Variants in OPCML observed in about 807,000 individuals in gnomAD.
The protein encoded by OPCML is opioid binding protein/cell adhesion molecule like.
Under a neutral mutation model 37.8 loss-of-function variants are expected in OPCML, and 13 were observed. The observed-to-expected ratio is 0.34, with a 90% CI of 0.22 to 0.55. OPCML has a LOEUF of 0.55. OPCML is among the 20% of genes least tolerant of loss of function. The pLI, the probability that OPCML is intolerant of heterozygous loss-of-function variation, is 0.91. For missense variants in OPCML, 341 were observed against 435.6 expected, an observed-to-expected ratio of 0.78 and a Z score of 1.93; for synonymous variants, 176 against 168.8, an observed-to-expected ratio of 1.04 and a Z score of -0.33.
intron 1 of OPCML, among the ~76,000 whole-genome samples, chr11:133,012,469 AAAG>A (rs1947237403): frequency 6.6e-6 from 1 of 152,192 alleles, no homozygotes; most frequent in South Asian, 2.1e-4. Context: ...CACCTTCCTC[AAAG>A]AAGTTTTATT....
At chr11:132,911,184 A>G (rs1429713170) in intron 2 of OPCML, among the ~76,000 whole-genome samples, 1 of 152,170 alleles carries the variant, frequency 6.6e-6, no homozygotes, top group Non-Finnish European at 1.5e-5. Flanking sequence ...CTTACTCTCA[A>G]CCACCGCCAT....
chr11:132,949,501 G>A (rs1945813983), intron 1 of OPCML, among the ~76,000 whole-genome samples: 2 of 152,176 alleles, frequency 1.3e-5, no homozygotes, highest in Admixed American at 1.3e-4. Context: ...CTTTGGGTAT[G>A]GATGGATACT....
At chr11:133,341,460 C>T (rs1326666833) in intron 1 of OPCML, among the ~76,000 whole-genome samples, 2 of 152,140 alleles carry the variant, frequency 1.3e-5, no homozygotes, top group Admixed American at 6.5e-5. Context: ...TTCAGGTGCC[C>T]TTGGGTGATG....
chr11:132,552,996 C>T (rs1222144023), intron 3 of OPCML, among the ~76,000 whole-genome samples: 1 of 152,086 alleles, frequency 6.6e-6, no homozygotes, highest in Non-Finnish European at 1.5e-5. Flanking sequence ...AATCTCCTGA[C>T]CTCGTGATCC....
chr11:133,079,048 A>G (rs1315505417), intron 1 of OPCML, among the ~76,000 whole-genome samples: 1 of 151,692 alleles, frequency 6.6e-6, no homozygotes, highest in Non-Finnish European at 1.5e-5. Context: ...CCACCCCAAT[A>G]TTCCTTCCTC....
At chr11:133,134,727 T>A (rs1271715657) in intron 1 of OPCML, among the ~76,000 whole-genome samples, 1 of 152,158 alleles carries the variant, frequency 6.6e-6, no homozygotes, top group East Asian at 1.9e-4. Flanking sequence ...TCAAGCGAGA[T>A]GAGCCACCAT....
intron 1 of OPCML, among the ~76,000 whole-genome samples, chr11:133,145,324 A>G (rs1410420481): frequency 1.3e-5 from 2 of 152,196 alleles, no homozygotes; most frequent in Non-Finnish European, 2.9e-5. Context: ...GAAGCTTTGC[A>G]AGTTAGATGC....
chr11:133,417,542 G>C (rs2136884614), intron 1 of OPCML, among the ~76,000 whole-genome samples: 1 of 151,952 alleles, frequency 6.6e-6, no homozygotes, highest in East Asian at 1.9e-4. Flanking sequence ...ATGCAGGTTT[G>C]TTACATATGT....
chr11:132,954,356 A>C (rs76238648), intron 1 of OPCML, among the ~76,000 whole-genome samples: 25,459 of 131,358 alleles, frequency 0.19, 3,011 homozygotes, highest in African/African-American at 0.39. Context: ...TGAGGCCATT[A>C]AAATTAGATC....
chr11:132,555,536 T>G (rs768747595), intron 3 of OPCML, among the ~76,000 whole-genome samples: 5 of 152,218 alleles, frequency 3.3e-5, no homozygotes, highest in African/African-American at 9.6e-5. Flanking sequence ...CAATTCAAGA[T>G]GAGATTTGGG....
intron 1 of OPCML, among the ~76,000 whole-genome samples, chr11:133,219,888 T>G (rs902810527): frequency 1.3e-5 from 2 of 152,170 alleles, no homozygotes; most frequent in African/African-American, 2.4e-5. Context: ...CAAACTGTGA[T>G]TGTAAAGTAT....
At chr11:132,970,813 CTG>C (rs1272521683) in intron 1 of OPCML, among the ~76,000 whole-genome samples, 1 of 152,186 alleles carries the variant, frequency 6.6e-6, no homozygotes, top group East Asian at 1.9e-4. Context: ...GAAAAGCCTC[CTG>C]TAGTACTCAT....
chr11:133,217,149 G>A (rs1328665889), intron 1 of OPCML, among the ~76,000 whole-genome samples: 2 of 152,072 alleles, frequency 1.3e-5, no homozygotes, highest in Non-Finnish European at 2.9e-5. Flanking sequence ...TCACCTCCAG[G>A]TGAGCAGCCC....
intron 1 of OPCML, among the ~76,000 whole-genome samples, chr11:133,507,774 A>T (rs145890452): frequency 6.6e-6 from 1 of 152,030 alleles, no homozygotes; most frequent in Non-Finnish European, 1.5e-5. Context: ...GTGAAACCCC[A>T]TATCTACTAC....
chr11:132,547,638 A>G (rs79246641), intron 3 of OPCML, among the ~76,000 whole-genome samples: 27,149 of 152,120 alleles, frequency 0.18, 2,928 homozygotes, highest in East Asian at 0.47. Context: ...GCATGCTAGC[A>G]TACCACTCAT....
At chr11:133,359,769 A>T (rs2136713354) in intron 1 of OPCML, among the ~76,000 whole-genome samples, 1 of 152,346 alleles carries the variant, frequency 6.6e-6, no homozygotes, top group Non-Finnish European at 1.5e-5. Context: ...AATGGAGCAT[A>T]TTTAACTTAT....
At chr11:132,430,486 G>T (rs1436655119) in intron 7 of OPCML, among the ~76,000 whole-genome samples, 2 of 152,200 alleles carry the variant, frequency 1.3e-5, no homozygotes, top group East Asian at 1.9e-4. Context: ...ATTAGCAAAA[G>T]AAAATAGAGA....
chr11:133,525,560 C>T (rs185489699), intron 1 of OPCML, among the ~76,000 whole-genome samples: 4 of 152,342 alleles, frequency 2.6e-5, no homozygotes, highest in Admixed American at 2.0e-4. Context: ...GTGACATCTA[C>T]ACTGCCTACC....
chr11:133,117,741 T>C (rs1344014969), intron 1 of OPCML: 1 of 952,716 alleles, frequency 1.0e-6, no homozygotes, highest in Non-Finnish European at 1.2e-6. Flanking sequence ...GAAATGAAAA[T>C]GAAAGTAATG....
Sources: gnomAD v4.1 joint callset for allele counts (sites outside exome capture counted in the v4.1 genomes callset) on GRCh38, gnomAD v4.1.1 for gene constraint, MANE v1.5 for transcripts, NCBI Gene and HGNC (gene_info 2026-07-23, HGNC 2026-07-21) for gene names.